Variants in PTDSS2 observed in about 807,000 individuals in gnomAD.
PTDSS2 encodes phosphatidylserine synthase 2.
PTDSS2 carries 41 observed loss-of-function variants against 64.7 expected under a neutral mutation model. The observed-to-expected ratio is 0.63, with a 90% CI of 0.49 to 0.82. The LOEUF (loss-of-function observed/expected upper bound fraction) is 0.82, where lower values mean the gene tolerates loss of function less well. Among genes scored for constraint, PTDSS2 ranks in the 40% least tolerant of loss-of-function variants. The pLI is 0.00. For missense variants in PTDSS2, 485 were observed against 650.0 expected (o/e 0.75, Z 2.76); for synonymous variants, 297 against 277.8 (o/e 1.07, Z -0.69).
chr11:450,539 G>T lies in PTDSS2; in HGVS notation c.84G>T (p.Pro28=), dbSNP rs1168503017. The change falls in exon 1 of 12, where the codon CCG becomes CCT. Residue 28 remains proline (P), a synonymous_variant. Coordinates refer to ENST00000308020, the MANE Select transcript of PTDSS2 (RefSeq NM_030783.3). Reference sequence around the variant, plus strand: ...CGGGCAGGGCCTCGCTGGAGGAGCCGCCTGACGGGCCGTCTGCCGGCCAAG... The same window carrying T: ...CGGGCAGGGCCTCGCTGGAGGAGCCTCCTGACGGGCCGTCTGCCGGCCAAG... ...VPAGRASLEE[P]PDGPSAGQAT... The T allele has an allele frequency of 2.4e-6, 3 of 1,241,698 alleles. No individual in the cohort carries two copies. The highest frequency in any genetic ancestry group is 3.0e-6 in the Non-Finnish European group (3 of 985,722). 76.9% of individuals were successfully genotyped at this position (1,241,698 alleles called of 1,614,324 possible).
intron 2 of PTDSS2, among the ~76,000 whole-genome samples, chr11:471,929 TGGCCTGGGGTGACGTGGATGGC>T (rs1225898411): frequency 2.7e-5 from 3 of 110,882 alleles, no homozygotes; most frequent in Admixed American, 1.0e-4. Flanking sequence ...GGGCAGATGG[TGGCCTGGGGTGACGTGGATGGC>T]GGCCTGGGGT....
intron 11 of PTDSS2, 74 bp from the exon 12 acceptor site, chr11:490,346 G>T: frequency 1.3e-6 from 2 of 1,596,208 alleles, no homozygotes; most frequent in South Asian, 2.2e-5. Context: ...ACAGGGACTA[G>T]GTGCCAGCTG....
rs1212850861 is a variant in PTDSS2, at chr11:479,420, G to A, written c.435+268G>A. ...ATCTGCTGGTGGGGCGCTGACTGTG[G>A]CCATTTAGCAGGGCCACACTTAAGG... On this transcript the variant is annotated intron_variant, in intron 4 of 11. Coordinates refer to ENST00000308020, the MANE Select transcript of PTDSS2 (RefSeq NM_030783.3). The surrounding 1 kb of genome is among the most constrained non-coding windows in gnomAD (Gnocchi z 4.2). 4 of 553,408 alleles carry A rather than the reference G, an allele frequency of 7.2e-6. No homozygotes were observed. Among genetic ancestry groups the A allele is most frequent in the Non-Finnish European group, 1.3e-5 (4 of 308,686 alleles). The allele number at this position is 553,408 out of a possible 1,614,324, so 34.3% of individuals were successfully genotyped here.
At chr11:473,434 G>T (rs544218828) in intron 2 of PTDSS2, among the ~76,000 whole-genome samples, 1 of 152,224 alleles carries the variant, frequency 6.6e-6, no homozygotes, top group Non-Finnish European at 1.5e-5. Flanking sequence ...ATCACTGATG[G>T]TCACATGCGG....
At position 479,190 on chromosome 11, in the gene PTDSS2, G is replaced by A. The variant is rs1235239170; in HGVS notation, c.435+38G>A. On this transcript the variant is annotated intron_variant, in intron 4 of 11. Transcript: ENST00000308020. The surrounding 1 kb of genome is among the most constrained non-coding windows in gnomAD (Gnocchi z 4.2). Reference sequence around the variant, plus strand: ...TCTGGGTTGGATACCTGGGAACTTAGGTGACAGTGTGGCCCCAGGCATGGT... The same window carrying A: ...TCTGGGTTGGATACCTGGGAACTTAAGTGACAGTGTGGCCCCAGGCATGGT... 1.3e-6 allele frequency: 2 copies of A among 1,542,588 alleles called. No homozygotes were observed. Among genetic ancestry groups the A allele is most frequent in the Admixed American group, 1.7e-5 (1 of 59,964 alleles).
At chr11:486,141 T>C (rs564533162) in intron 4 of PTDSS2, among the ~76,000 whole-genome samples, 3 of 152,258 alleles carry the variant, frequency 2.0e-5, no homozygotes, top group African/African-American at 7.2e-5. Flanking sequence ...TGTCTGTAAA[T>C]GATGTAAACC....
chr11:488,464 C>T (rs536052954), intron 7 of PTDSS2, 65 bp from the exon 8 acceptor site: 28 of 1,441,872 alleles, frequency 1.9e-5, no homozygotes, highest in African/African-American at 2.8e-5. Context: ...TGTGCTCTTC[C>T]GGGGTCCTCC....
intron 1 of PTDSS2, among the ~76,000 whole-genome samples, chr11:458,492 A>G (rs921156249): frequency 1.4e-5 from 2 of 144,254 alleles, no homozygotes; most frequent in Non-Finnish European, 3.0e-5. Context: ...GGCGTGAGCC[A>G]CCGCGCCTGG....
chr11:478,623 G>T (rs1048114409), intron 3 of PTDSS2, among the ~76,000 whole-genome samples: 4 of 151,898 alleles, frequency 2.6e-5, no homozygotes, highest in African/African-American at 9.7e-5. Context: ...GGACACCTGT[G>T]AGCCCAGCTA....
At chr11:472,980 C>T (rs568188549) in intron 2 of PTDSS2, among the ~76,000 whole-genome samples, 8 of 152,314 alleles carry the variant, frequency 5.3e-5, no homozygotes, top group South Asian at 2.1e-4. Flanking sequence ...GAGCTGAGCA[C>T]GACTGGAGAG....
chr11:470,031 C>T lies in PTDSS2; in HGVS notation c.285-3864C>T, dbSNP rs1431831533. ...AGTAAATAAACAGAGGGAACAAGACCAACCTTCCCTGCAGAAGGTTTTCAG... is the reference window on the plus strand; with the variant it reads ...AGTAAATAAACAGAGGGAACAAGACTAACCTTCCCTGCAGAAGGTTTTCAG... On this transcript the variant is annotated intron_variant, in intron 2 of 11. Coordinates refer to ENST00000308020, the MANE Select transcript of PTDSS2 (RefSeq NM_030783.3). The surrounding 1 kb of genome is among the most constrained non-coding windows in gnomAD (Gnocchi z 5.3). Among the ~76,000 whole-genome samples the T allele has an allele frequency of 6.6e-6, 1 of 152,194 alleles. No individual in the cohort carries two copies. Among genetic ancestry groups the T allele is most frequent in the Non-Finnish European group, 1.5e-5 (1 of 68,030 alleles).
chr11:488,692 T>A, intron 8 of PTDSS2, 45 bp downstream of exon 8: 1 of 1,421,824 alleles, frequency 7.0e-7, no homozygotes, highest in Non-Finnish European at 9.9e-7. Flanking sequence ...GGGGGTTACC[T>A]GGAGGCAGCC....
chr11:485,169 C>T (rs1357811707), intron 4 of PTDSS2, among the ~76,000 whole-genome samples: 1 of 131,992 alleles, frequency 7.6e-6, no homozygotes, highest in South Asian at 2.5e-4. Flanking sequence ...GGCGTGTGTG[C>T]TCACTGCGCA....
intron 1 of PTDSS2, among the ~76,000 whole-genome samples, chr11:455,178 T>A (rs566632448): frequency 2.6e-5 from 4 of 152,234 alleles, no homozygotes; most frequent in Non-Finnish European, 5.9e-5. Flanking sequence ...TGATCTAGCT[T>A]CTGGGTCTCC....
Position 479,371 on chromosome 11 carries a change from G to A in PTDSS2, c.435+219G>A, listed in dbSNP as rs918555382. The A allele has an allele frequency of 2.0e-5, 12 of 604,932 alleles. No homozygotes were observed. Among genetic ancestry groups the A allele is most frequent in the African/African-American group, 7.4e-5 (4 of 53,986 alleles). 37.5% of individuals were successfully genotyped at this position (604,932 alleles called of 1,614,324 possible). On this transcript the variant is annotated intron_variant, in intron 4 of 11. Coordinates refer to ENST00000308020, the MANE Select transcript of PTDSS2 (RefSeq NM_030783.3). The surrounding 1 kb of genome is among the most constrained non-coding windows in gnomAD (Gnocchi z 4.2). ...AAGCTAGACCTTCAAAACGTAGGCC[G>A]AGCTGCGGGGGGCCTCCAGGAGCAT... is the stretch of plus-strand genomic sequence containing the variant.
In PTDSS2 at chr11:462,555, C is replaced by T. The variant is rs1159515069; in HGVS notation, c.284+2267C>T. ...TGGCACCTAGAACCTGCTCTGGGCT[C>T]CTTCCTGGAAGGCTCGGCTGCCCCA... On this transcript the variant is annotated intron_variant, in intron 2 of 11. Transcript: ENST00000308020. The surrounding 1 kb of genome is among the most constrained non-coding windows in gnomAD (Gnocchi z 4.5). Among the ~76,000 whole-genome samples the T allele has an allele frequency of 2.0e-5, 3 of 152,240 alleles. No individual in the cohort carries two copies. Among genetic ancestry groups the T allele is most frequent in the Admixed American group, 6.5e-5 (1 of 15,284 alleles).
At chr11:484,490 A>C (rs141486321) in intron 4 of PTDSS2, among the ~76,000 whole-genome samples, 244 of 152,352 alleles carry the variant, frequency 1.6e-3, no homozygotes, top group South Asian at 6.2e-3. Flanking sequence ...GGCGTCTGTA[A>C]ACACAGCCAG....
Position 450,427 on chromosome 11 carries a change from C to T in PTDSS2, c.-29C>T. ...CCCGGTGTGCGTGGGGTCGAGGCGC[C>T]GGGCGGAGTGGCTCCGGGCCGAAAC... On this transcript the variant is annotated 5_prime_UTR_variant, in exon 1 of 12. Coordinates refer to ENST00000308020, the MANE Select transcript of PTDSS2 (RefSeq NM_030783.3). 2 of 1,222,296 alleles carry T rather than the reference C, an allele frequency of 1.6e-6. No homozygotes were observed. Among genetic ancestry groups the T allele is most frequent in the Non-Finnish European group, 2.0e-6 (2 of 981,132 alleles). 75.7% of individuals were successfully genotyped at this position (1,222,296 alleles called of 1,614,324 possible).
chr11:471,062 C>T (rs1847402428), intron 2 of PTDSS2, among the ~76,000 whole-genome samples: 1 of 151,714 alleles, frequency 6.6e-6, no homozygotes, highest in African/African-American at 2.4e-5. Context: ...CATTCTTACC[C>T]AACGGGACAC....
Sources: allele counts gnomAD v4.1 joint callset (sites outside exome capture counted in the v4.1 genomes callset), GRCh38; gene constraint gnomAD v4.1.1; non-coding constraint Gnocchi (gnomAD v3.1); transcripts MANE v1.5; gene names NCBI Gene and HGNC (gene_info 2026-07-23, HGNC 2026-07-21).